PIK3R6: variants seen among roughly 807,000 people sequenced by gnomAD.
The protein encoded by PIK3R6 is phosphoinositide-3-kinase regulatory subunit 6.
A neutral mutation model predicts 84.9 loss-of-function variants in PIK3R6; 91 were observed. The observed-to-expected ratio is 1.07, with a 90% CI of 0.90 to 1.28. PIK3R6 has a LOEUF of 1.28. Ranked by LOEUF, PIK3R6 falls within the 50% of genes most tolerant of loss-of-function variation. PIK3R6 has a pLI of 0.00. For missense variants in PIK3R6, 996 were observed against 985.1 expected, an observed-to-expected ratio of 1.01 and a Z score of -0.15; for synonymous variants, 416 against 411.4, an observed-to-expected ratio of 1.01 and a Z score of -0.13.
At chr17:8,826,999 A>G (rs2087940003) in intron 13 of PIK3R6, among the ~76,000 whole-genome samples, 173 bp downstream of exon 13, 1 of 152,046 alleles carries the variant, frequency 6.6e-6, no homozygotes, top group African/African-American at 2.4e-5. Flanking sequence ...AATTCCCTTC[A>G]TGTCTCATCC....
Position 8,838,169 on chromosome 17 carries a change from C to T in PIK3R6, c.190-298G>A, listed in dbSNP as rs562956332. ...AACAAACAAGTCCTCAGCTCGGAGCCTCCCTTGAGTGCAGTGTTTCCCAAA... is the reference window on the plus strand; with the variant it reads ...AACAAACAAGTCCTCAGCTCGGAGCTTCCCTTGAGTGCAGTGTTTCCCAAA... On this transcript the variant is annotated intron_variant, in intron 4 of 19. Coordinates refer to ENST00000619866, the MANE Select transcript of PIK3R6 (RefSeq NM_001010855.4). 71 of 487,592 alleles carry T rather than the reference C, an allele frequency of 1.5e-4. 1 individual carries two copies. In the South Asian group the frequency reaches 1.6e-3, roughly 11 times the overall value. 30.2% of individuals were successfully genotyped at this position (487,592 alleles called of 1,614,324 possible). A position where few individuals can be genotyped will look rare whatever the true frequency, so the allele number is the denominator to read the frequency against.
At position 8,803,825 on chromosome 17, in the gene PIK3R6, T is replaced by G. The variant is rs1201280581; in HGVS notation, c.2108+216A>C. The G allele has an allele frequency of 1.7e-6, 1 of 595,806 alleles. No homozygotes were observed. Among genetic ancestry groups the G allele is most frequent in the Non-Finnish European group, 3.0e-6 (1 of 334,310 alleles). The allele number at this position is 595,806 out of a possible 1,614,324, so 36.9% of individuals were successfully genotyped here. A position where few individuals can be genotyped will look rare whatever the true frequency, so the allele number is the denominator to read the frequency against. ...CATCTGGGGAAAATGCAATATCAGC[T>G]GCTGCCCTGGGTATGCCATTCATTT... On this transcript the variant is annotated intron_variant, in intron 19 of 19. Transcript: ENST00000619866. The surrounding 1 kb of genome is among the most constrained non-coding windows in gnomAD (Gnocchi z 5.0).
At chr17:8,807,888 G>A (rs768390003) in intron 18 of PIK3R6, among the ~76,000 whole-genome samples, 119 of 152,306 alleles carry the variant, frequency 7.8e-4, no homozygotes, top group Middle Eastern at 6.8e-3. Flanking sequence ...GCTGGAAGGA[G>A]ATAGATGAAG....
chr17:8,849,114 CT>C (rs11304893), intron 2 of PIK3R6, among the ~76,000 whole-genome samples: 152,357 of 152,358 alleles, frequency 1, 76,178 homozygotes, highest in Non-Finnish European at 1. Context: ...CTAGGCCCCA[CT>C]TTCTGGCTTT....
At chr17:8,831,990 A>G (rs1339038986) in intron 9 of PIK3R6, among the ~76,000 whole-genome samples, 2 of 152,232 alleles carry the variant, frequency 1.3e-5, no homozygotes, top group African/African-American at 4.8e-5. Flanking sequence ...GCAAATAGGA[A>G]GGGTGAGGAA....
At chr17:8,807,055 A>T (rs1006234652) in intron 18 of PIK3R6, among the ~76,000 whole-genome samples, 1 of 152,254 alleles carries the variant, frequency 6.6e-6, no homozygotes, top group Non-Finnish European at 1.5e-5. Flanking sequence ...AGAGGTCATT[A>T]AAAACAGAAA....
intron 18 of PIK3R6, among the ~76,000 whole-genome samples, chr17:8,809,508 A>C (rs1246993952): frequency 2.0e-5 from 3 of 152,222 alleles, no homozygotes; most frequent in Non-Finnish European, 4.4e-5. Flanking sequence ...AGCTGGGCAC[A>C]GTGGCTCATG....
chr17:8,846,431 T>C (rs1410725041), intron 2 of PIK3R6, among the ~76,000 whole-genome samples: 2 of 152,204 alleles, frequency 1.3e-5, no homozygotes, highest in Admixed American at 1.3e-4. Flanking sequence ...TAGGATTGCT[T>C]TGGCTATTTG....
At chr17:8,829,822 T>C in intron 9 of PIK3R6, 30 bp from the exon 10 acceptor site, 1 of 1,534,466 alleles carries the variant, frequency 6.5e-7, no homozygotes, top group Non-Finnish European at 8.8e-7. Flanking sequence ...GTGGAGGCCA[T>C]GGAGGAGGCC....
intron 1 of PIK3R6, among the ~76,000 whole-genome samples, chr17:8,855,179 C>T (rs1049773732): frequency 5.5e-5 from 8 of 146,772 alleles, no homozygotes; most frequent in East Asian, 1.9e-4. Context: ...GGTGACAGAG[C>T]GAGACTCCAT....
rs2087091162 is a variant in PIK3R6 at position 8,803,208 on chromosome 17, GGTGT to G, written c.*61_*64del. ...GGAGCCGGGCCTTGCTCTGGCTGTT[GGTGT>G]GAGTGTTTGGAGTTGGTGGGGTAGT... On this transcript the variant is annotated 3_prime_UTR_variant, in exon 20 of 20. Transcript: ENST00000619866. The surrounding 1 kb of genome is among the most constrained non-coding windows in gnomAD (Gnocchi z 5.0). The G allele has an allele frequency of 4.4e-6, 7 of 1,593,772 alleles. No homozygotes were observed. In the South Asian group the frequency reaches 7.8e-5, roughly 18 times the overall value.
Position 8,822,998 on chromosome 17 carries a change from T to C in PIK3R6, c.1715A>G (p.Lys572Arg), listed in dbSNP as rs763073984. Reference sequence around the variant, plus strand: ...GCAAAAGGGAGGCAGATGCTTACCTTTGGGGAATTTAGAATCTTGGATCTT... The same window carrying C: ...GCAAAAGGGAGGCAGATGCTTACCTCTGGGGAATTTAGAATCTTGGATCTT... ...KVKIQDSKFP[K>R]DGFSPRRRGV... Residue 572 changes from lysine to arginine, a missense_variant and splice_region_variant, in exon 15 of 20, where the codon AAA becomes AGA. Physicochemically the swap from Lys to Arg is conservative, Grantham distance 26. Coordinates refer to ENST00000619866, the MANE Select transcript of PIK3R6 (RefSeq NM_001010855.4). 7 of 1,598,422 alleles carry C rather than the reference T, an allele frequency of 4.4e-6. No homozygotes were observed. In the Admixed American group the frequency reaches 1.0e-4, roughly 23 times the overall value.
chr17:8,825,995 G>T (rs143639404), intron 13 of PIK3R6, among the ~76,000 whole-genome samples: 2 of 152,184 alleles, frequency 1.3e-5, no homozygotes, highest in African/African-American at 2.4e-5. Flanking sequence ...TGCCAGCCAC[G>T]GTTGGGGTAT....
chr17:8,823,386 C>T lies in PIK3R6; in HGVS notation c.1626+1G>A. 1 of 1,586,034 alleles carries T rather than the reference C, an allele frequency of 6.3e-7. No homozygotes were observed. The highest frequency in any genetic ancestry group is 8.7e-7 in the Non-Finnish European group (1 of 1,155,432). Reference sequence around the variant, plus strand: ...CTTGGAGCCTCCAGTGGGATGCTTACCTTGACTGTGTAGATCTGGAAATAG... The same window carrying T: ...CTTGGAGCCTCCAGTGGGATGCTTATCTTGACTGTGTAGATCTGGAAATAG... On this transcript the variant is annotated splice_donor_variant, in intron 14 of 19. Coordinates refer to ENST00000619866, the MANE Select transcript of PIK3R6 (RefSeq NM_001010855.4). LOFTEE classifies it high-confidence loss of function.
Position 8,823,415 on chromosome 17 carries a change from G to A in PIK3R6, c.1598C>T (p.Pro533Leu), listed in dbSNP as rs771195391. The A allele has an allele frequency of 1.9e-6, 3 of 1,603,834 alleles. No individual in the cohort carries two copies. The highest frequency in any genetic ancestry group is 1.1e-5 in the South Asian group (1 of 90,566). The change falls in exon 14 of 20, where the codon CCC (proline) becomes CTC (leucine). Residue 533 changes from proline (P) to leucine (L), a missense_variant. By Grantham distance (98) the Pro-to-Leu change is moderately conservative. Coordinates refer to ENST00000619866, the MANE Select transcript of PIK3R6 (RefSeq NM_001010855.4). ...ITYYIRMGTQ[P>L]IYFQIYTVKI... Reference sequence around the variant, plus strand: ...GACTGTGTAGATCTGGAAATAGATGGGTTGGGTGCCCATGCGGATGTAGTA... The same window carrying A: ...GACTGTGTAGATCTGGAAATAGATGAGTTGGGTGCCCATGCGGATGTAGTA...
intron 13 of PIK3R6, among the ~76,000 whole-genome samples, chr17:8,824,476 A>G (rs2087853555): frequency 6.6e-6 from 1 of 152,202 alleles, no homozygotes; most frequent in Admixed American, 6.5e-5. Context: ...GACCTCTTCT[A>G]TCTCTCACAT....
intron 18 of PIK3R6, among the ~76,000 whole-genome samples, chr17:8,808,499 C>T (rs890042698): frequency 1.3e-5 from 2 of 152,158 alleles, no homozygotes; most frequent in Non-Finnish European, 2.9e-5. Context: ...CATCATATAA[C>T]TGGTAAATGG....
chr17:8,828,249 C>A, intron 11 of PIK3R6, 59 bp from the exon 12 acceptor site: 1 of 1,530,066 alleles, frequency 6.5e-7, no homozygotes, highest in South Asian at 1.1e-5. Flanking sequence ...CAAACAGACT[C>A]GGCTCTGCTA....
intron 18 of PIK3R6, among the ~76,000 whole-genome samples, chr17:8,815,128 C>T (rs1201735023): frequency 6.6e-6 from 1 of 152,130 alleles, no homozygotes; most frequent in Non-Finnish European, 1.5e-5. Context: ...AATTTGTAGA[C>T]TACAGTAATA....
Sources: gnomAD v4.1 joint callset for allele counts (sites outside exome capture counted in the v4.1 genomes callset) on GRCh38, gnomAD v4.1.1 for gene constraint, Gnocchi (gnomAD v3.1) non-coding constraint, MANE v1.5 for transcripts, NCBI Gene and HGNC (gene_info 2026-07-23, HGNC 2026-07-21) for gene names.